KIAA1217: variants seen among roughly 807,000 people sequenced by gnomAD.
The protein encoded by KIAA1217 is sickle tail protein homolog.
In KIAA1217, 88 loss-of-function variants were observed where a neutral mutation model predicts 163.9. The ratio of observed to expected loss-of-function variants is 0.54; its 90% CI spans 0.45 to 0.64. KIAA1217 has a LOEUF of 0.64. KIAA1217 is among the 30% of genes least tolerant of loss of function. The pLI is 0.00. For synonymous variants in KIAA1217, 903 were observed against 923.1 expected (o/e 0.98, Z 0.39); for missense variants, 2,372 against 2,475.0 (o/e 0.96, Z 0.88).
At chr10:24,490,992 C>T (rs1289743449) in intron 6 of KIAA1217, among the ~76,000 whole-genome samples, 1 of 152,176 alleles carries the variant, frequency 6.6e-6, no homozygotes, top group African/African-American at 2.4e-5. Flanking sequence ...TTATCCCAGA[C>T]CGTTCTGCAA....
At chr10:24,387,759 A>C (rs1039696409) in intron 3 of KIAA1217, among the ~76,000 whole-genome samples, 3 of 152,120 alleles carry the variant, frequency 2.0e-5, no homozygotes, top group African/African-American at 7.2e-5. Context: ...ATACACCAAT[A>C]ACAGACAAAC....
intron 2 of KIAA1217, among the ~76,000 whole-genome samples, chr10:24,074,864 A>G (rs560430407): frequency 1.1e-4 from 17 of 151,948 alleles, no homozygotes; most frequent in African/African-American, 3.9e-4. Context: ...ATGCTTGGCT[A>G]ATTTTTGTAT....
chr10:23,727,890 A>C lies in KIAA1217; in HGVS notation c.-321+32656A>C, dbSNP rs538446873. Among the ~76,000 whole-genome samples, 57 of 152,288 alleles carry C rather than the reference A, an allele frequency of 3.7e-4. 1 individual carries two copies. The South Asian group carries it at 0.012, about 31-fold the overall frequency. On this transcript the variant is annotated intron_variant, in intron 1 of 18. Transcript: ENST00000376462. ...TGAACTCTCACTTATGAGTGAGAAC[A>C]TGCAGCATTTGGTTTTCTGATCCTA...
intron 14 of KIAA1217, among the ~76,000 whole-genome samples, chr10:24,528,322 G>T (rs56100960): frequency 0.37 from 48,945 of 133,690 alleles, 8,735 homozygotes; most frequent in Middle Eastern, 0.43. Context: ...TTTTTTTTTT[G>T]TTTTTTTTTT....
intron 2 of KIAA1217, among the ~76,000 whole-genome samples, chr10:24,354,320 C>A (rs2048811015): frequency 1.3e-5 from 2 of 152,190 alleles, no homozygotes; most frequent in South Asian, 4.1e-4. Flanking sequence ...AGTGAGCACT[C>A]AAACCCCTTA....
intron 2 of KIAA1217, among the ~76,000 whole-genome samples, chr10:24,036,534 C>T (rs764366517): frequency 7.9e-5 from 12 of 152,056 alleles, no homozygotes; most frequent in Non-Finnish European, 1.2e-4. Flanking sequence ...AAAGAAAAGA[C>T]GTTTATTTGG....
At chr10:24,141,866 T>TG (rs199698352) in intron 2 of KIAA1217, among the ~76,000 whole-genome samples, 1,858 of 74,682 alleles carry the variant, frequency 0.025, 33 homozygotes, top group African/African-American at 0.087. Flanking sequence ...AAATTTCTAT[T>TG]GTTTTTTTTT....
At chr10:23,779,360 C>T (rs892973292) in intron 1 of KIAA1217, among the ~76,000 whole-genome samples, 3 of 152,310 alleles carry the variant, frequency 2.0e-5, no homozygotes, top group South Asian at 2.1e-4. Context: ...CTCCCTTTGT[C>T]TGGAGTTAGT....
rs564982918 is a variant in KIAA1217 at position 24,133,013 on chromosome 10, G to T, written c.-170-86613G>T. Among the ~76,000 whole-genome samples, 6 of 151,856 alleles carry T rather than the reference G, an allele frequency of 4.0e-5. No individual in the cohort carries two copies. In the East Asian group the frequency reaches 1.2e-3, roughly 29 times the overall value. ...GGAAAGTTGTTGCTGGTTGAAATCA[G>T]CCAGCAGGAGCTTGTTTCTTAGAAG... is the stretch of plus-strand genomic sequence containing the variant. On this transcript the variant is annotated intron_variant, in intron 2 of 18. Coordinates refer to the KIAA1217 transcript ENST00000376462.
chr10:24,104,387 A>C (rs1398186800), intron 2 of KIAA1217, among the ~76,000 whole-genome samples: 1 of 152,220 alleles, frequency 6.6e-6, no homozygotes, highest in Non-Finnish European at 1.5e-5. Context: ...TCTTAAATGC[A>C]TACTACTAAG....
chr10:23,705,893 G>A (rs1468995217), intron 1 of KIAA1217, among the ~76,000 whole-genome samples: 1 of 152,122 alleles, frequency 6.6e-6, no homozygotes, highest in Non-Finnish European at 1.5e-5. Context: ...TGATACATGA[G>A]CATGGTATGG....
At chr10:24,280,708 G>A (rs1335965440) in intron 2 of KIAA1217, among the ~76,000 whole-genome samples, 1 of 151,782 alleles carries the variant, frequency 6.6e-6, no homozygotes, top group Non-Finnish European at 1.5e-5. Flanking sequence ...TACTCAGGAG[G>A]CTGAAGCAGG....
intron 1 of KIAA1217, among the ~76,000 whole-genome samples, chr10:23,934,432 A>G (rs1457339733): frequency 6.6e-6 from 1 of 150,666 alleles, no homozygotes; most frequent in Non-Finnish European, 1.5e-5. Flanking sequence ...TAGGTTCAGT[A>G]AACCACCATG....
chr10:24,361,657 T>G (rs1157819061), intron 2 of KIAA1217, among the ~76,000 whole-genome samples: 1 of 152,190 alleles, frequency 6.6e-6, no homozygotes, highest in African/African-American at 2.4e-5. Context: ...AACTGTAGAT[T>G]ATTTTCTTGG....
At chr10:24,283,704 G>A (rs538253397) in intron 2 of KIAA1217, among the ~76,000 whole-genome samples, 1 of 151,988 alleles carries the variant, frequency 6.6e-6, no homozygotes, top group Non-Finnish European at 1.5e-5. Flanking sequence ...CTGATGAACT[G>A]TCCTCTAAAT....
rs112957432 is a variant in KIAA1217, at chr10:23,886,568, G to A, written c.-320-120657G>A. Among the ~76,000 whole-genome samples, 529 of 152,070 alleles carry A rather than the reference G, an allele frequency of 3.5e-3. 3 individuals are homozygous for A. The highest frequency in any genetic ancestry group is 0.021 in the South Asian group (99 of 4,822). ...TTTCATTTTTAACAGGCTCGCTAGGGCGCAGCAGAGAGAGAAATCGTATTC... is the reference window on the plus strand; with the variant it reads ...TTTCATTTTTAACAGGCTCGCTAGGACGCAGCAGAGAGAGAAATCGTATTC... On this transcript the variant is annotated intron_variant, in intron 1 of 18. Coordinates refer to the KIAA1217 transcript ENST00000376462.
intron 20 of KIAA1217, 52 bp downstream of exon 20, chr10:24,545,155 G>A (rs1280342480): frequency 6.2e-7 from 1 of 1,609,502 alleles, no homozygotes; most frequent in East Asian, 2.2e-5. Context: ...AGTTAAGCAA[G>A]TCACTGACTT....
intron 1 of KIAA1217, among the ~76,000 whole-genome samples, chr10:23,871,915 C>G (rs1396818886): frequency 6.6e-6 from 1 of 152,048 alleles, no homozygotes; most frequent in Non-Finnish European, 1.5e-5. Flanking sequence ...ATGCCAGGAC[C>G]AGGGATTAAT....
intron 2 of KIAA1217, among the ~76,000 whole-genome samples, chr10:24,070,857 TG>T (rs2061160835): frequency 6.6e-6 from 1 of 152,160 alleles, no homozygotes; most frequent in Non-Finnish European, 1.5e-5. Flanking sequence ...AGATGATCAT[TG>T]TTTTATATTC....
Sources: allele counts gnomAD v4.1 joint callset (sites outside exome capture counted in the v4.1 genomes callset), GRCh38; gene constraint gnomAD v4.1.1; transcripts MANE v1.5; gene names NCBI Gene and HGNC (gene_info 2026-07-23, HGNC 2026-07-21).